PIR: variants seen among roughly 807,000 people sequenced by gnomAD.
The protein encoded by PIR is pirin.
A neutral mutation model predicts 24.2 loss-of-function variants in PIR; 22 were observed. The ratio of observed to expected loss-of-function variants is 0.91; its 90% CI spans 0.65 to 1.30. The LOEUF (loss-of-function observed/expected upper bound fraction) is 1.30, where lower values mean the gene tolerates loss of function less well. Among genes scored for constraint, PIR ranks in the 50% most tolerant of loss-of-function variants. The pLI, the probability that PIR is intolerant of heterozygous loss-of-function variation, is 0.00. For synonymous variants in PIR, 80 were observed against 79.6 expected, an observed-to-expected ratio of 1.00 and a Z score of -0.03; for missense variants, 220 against 220.3, an observed-to-expected ratio of 1.00 and a Z score of 0.01.
At chrX:15,421,520 G>A (rs1022687285) in intron 6 of PIR, among the ~76,000 whole-genome samples, 10 of 110,961 alleles carry the variant, frequency 9.0e-5, no homozygotes, top group Non-Finnish European at 1.9e-4. Context: ...ACAACTATAT[G>A]CCAAGAAATT....
intron 5 of PIR, 28 bp downstream of exon 5, chrX:15,455,820 G>A (rs1602279616): frequency 1.7e-6 from 2 of 1,150,163 alleles, no homozygotes; most frequent in Non-Finnish European, 1.2e-6. Flanking sequence ...CATGCCTCAG[G>A]TTAAATAGAC....
intron 8 of PIR, among the ~76,000 whole-genome samples, chrX:15,391,250 T>C (rs1460864021): frequency 8.9e-6 from 1 of 112,419 alleles, no homozygotes; most frequent in African/African-American, 3.2e-5. Flanking sequence ...TTAAAAATAC[T>C]AAAATATTAG....
chrX:15,439,993 T>C (rs961416908), intron 5 of PIR, among the ~76,000 whole-genome samples: 6 of 111,650 alleles, frequency 5.4e-5, no homozygotes, highest in African/African-American at 2.0e-4. Flanking sequence ...TTTCTCTCTC[T>C]CTCTCTCTCT....
intron 9 of PIR, among the ~76,000 whole-genome samples, chrX:15,385,927 G>A (rs928896002): frequency 3.6e-5 from 4 of 111,942 alleles, no homozygotes; most frequent in African/African-American, 1.3e-4. Flanking sequence ...AAATGTACAA[G>A]AAGTCCTCCC....
rs1432928284 is a variant in PIR at position 15,385,172 on chromosome X, C to T, written c.761-56G>A. The T allele has an allele frequency of 5.3e-6, 3 of 569,329 alleles. No individual in the cohort carries two copies. In the African/African-American group the frequency reaches 6.9e-5, roughly 13 times the overall value. The allele number at this position is 569,329 out of a possible 1,213,427, so 46.9% of individuals were successfully genotyped here. On this transcript the variant is annotated intron_variant, in intron 9 of 9. Transcript: ENST00000380420. ...TGGGTGGCAATATTTTCCTCTACCA[C>T]TAGAAATGATATATATTTCTGTAGT...
chrX:15,436,043 A>G (rs1319417501), intron 5 of PIR, among the ~76,000 whole-genome samples: 1 of 112,359 alleles, frequency 8.9e-6, no homozygotes, highest in Non-Finnish European at 1.9e-5. Context: ...ATATACATGA[A>G]GTGTTACACA....
At chrX:15,466,006 G>GTTTTGTT (rs1921562871) in intron 3 of PIR, among the ~76,000 whole-genome samples, 1 of 63,126 alleles carries the variant, frequency 1.6e-5, no homozygotes, top group East Asian at 5.3e-4. Flanking sequence ...AATGGTGGCT[G>GTTTTGTT]TTTTTTTTTT....
At chrX:15,446,281 C>T (rs1926101809) in intron 5 of PIR, among the ~76,000 whole-genome samples, 1 of 111,427 alleles carries the variant, frequency 9.0e-6, no homozygotes, top group African/African-American at 3.3e-5. Context: ...GTTTTGAAGG[C>T]CTTCTTAAAG....
chrX:15,386,960 G>T (rs748018409), intron 9 of PIR, among the ~76,000 whole-genome samples: 2 of 109,778 alleles, frequency 1.8e-5, no homozygotes, highest in African/African-American at 6.6e-5. Context: ...AATTTGGGAG[G>T]CTGAGTCAAT....
chrX:15,457,339 A>G (rs1473302601), intron 4 of PIR, among the ~76,000 whole-genome samples: 1 of 111,800 alleles, frequency 8.9e-6, no homozygotes, highest in Non-Finnish European at 1.9e-5. Flanking sequence ...CTGTACACAT[A>G]CGGGGACCAT....
intron 3 of PIR, among the ~76,000 whole-genome samples, chrX:15,469,692 G>A (rs1921781537): frequency 9.0e-6 from 1 of 111,364 alleles, no homozygotes; most frequent in South Asian, 3.8e-4. Context: ...TTAGGTTGTA[G>A]TAAGTTATAA....
At chrX:15,465,947 T>G (rs1174252329) in intron 3 of PIR, among the ~76,000 whole-genome samples, 1 of 110,836 alleles carries the variant, frequency 9.0e-6, no homozygotes, top group African/African-American at 3.3e-5. Context: ...AGCAAAATGT[T>G]TATATTACAG....
chrX:15,440,426 T>A (rs1228657845), intron 5 of PIR, among the ~76,000 whole-genome samples: 2 of 110,730 alleles, frequency 1.8e-5, no homozygotes, highest in African/African-American at 3.3e-5. Flanking sequence ...TTTCTATTAC[T>A]CACGATGCTG....
intron 5 of PIR, among the ~76,000 whole-genome samples, chrX:15,437,748 C>T (rs1925794331): frequency 8.9e-6 from 1 of 112,611 alleles, no homozygotes; most frequent in Admixed American, 9.3e-5. Flanking sequence ...AGACCTCAAA[C>T]TGCTAATGTC....
intron 7 of PIR, among the ~76,000 whole-genome samples, chrX:15,399,108 A>T (rs1426550901): frequency 3.6e-5 from 4 of 111,495 alleles, no homozygotes; most frequent in Middle Eastern, 4.2e-3. Context: ...AAACCCTGAT[A>T]TGTTAATGGG....
chrX:15,451,376 C>T (rs1200893169), intron 5 of PIR, among the ~76,000 whole-genome samples: 15 of 108,776 alleles, frequency 1.4e-4, no homozygotes, highest in African/African-American at 5.1e-4. Flanking sequence ...CAATTTGGGT[C>T]CTGCAAAAGA....
At chrX:15,418,826 A>G (rs966237326) in intron 6 of PIR, among the ~76,000 whole-genome samples, 1 of 111,883 alleles carries the variant, frequency 8.9e-6, no homozygotes, top group Non-Finnish European at 1.9e-5. Flanking sequence ...CAGGGAGAGG[A>G]TGGTAGCAGT....
At chrX:15,492,432 C>T (rs906573857) in intron 1 of PIR, among the ~76,000 whole-genome samples, 1 of 111,973 alleles carries the variant, frequency 8.9e-6, no homozygotes, top group East Asian at 2.8e-4. Flanking sequence ...AATGGACTAT[C>T]CCAGAAGGAA....
intron 2 of PIR, among the ~76,000 whole-genome samples, chrX:15,481,324 T>C (rs1922489737): frequency 8.9e-6 from 1 of 112,519 alleles, no homozygotes; most frequent in Admixed American, 9.4e-5. Flanking sequence ...CATATGTTTG[T>C]GATTGTCTTG....
Sources: allele counts gnomAD v4.1 joint callset (sites outside exome capture counted in the v4.1 genomes callset), GRCh38; gene constraint gnomAD v4.1.1; transcripts MANE v1.5; gene names NCBI Gene and HGNC (gene_info 2026-07-23, HGNC 2026-07-21).